Variants in GALNT15 observed in about 807,000 individuals in gnomAD.
The protein encoded by GALNT15 is UDP-GalNAc transferase T15.
In GALNT15, 67 loss-of-function variants were observed where a neutral mutation model predicts 66.8. The observed-to-expected ratio is 1.00, with a 90% CI of 0.82 to 1.23. The LOEUF (loss-of-function observed/expected upper bound fraction) is 1.23. GALNT15 is among the 50% of genes most tolerant of loss of function. The pLI, the probability that GALNT15 is intolerant of heterozygous loss-of-function variation, is 0.00. For synonymous variants in GALNT15, 313 were observed against 311.5 expected, an observed-to-expected ratio of 1.00 and a Z score of -0.05; for missense variants, 827 against 804.3, an observed-to-expected ratio of 1.03 and a Z score of -0.34.
At chr3:16,178,544 C>T (rs1411151736) in intron 1 of GALNT15, among the ~76,000 whole-genome samples, 3 of 152,202 alleles carry the variant, frequency 2.0e-5, no homozygotes, top group Non-Finnish European at 2.9e-5. Context: ...TGCGTGCGGC[C>T]TGCGCAGCCC....
In GALNT15 at chr3:16,203,432, C is replaced by T. The variant is rs150577840; in HGVS notation, c.911+2609C>T. On this transcript the variant is annotated intron_variant, in intron 3 of 9. Coordinates refer to ENST00000339732, the MANE Select transcript of GALNT15 (RefSeq NM_054110.5). This position sits in a 1 kb window ranked among gnomAD's most constrained non-coding sequence, Gnocchi z 6.2. ...AAGAGACATTCTAGTTTCCTGTGCC[C>T]TTCCCCTCTCCTCTTTTCCTCTCCT... Among the ~76,000 whole-genome samples, 349 of 151,544 alleles carry T rather than the reference C, an allele frequency of 2.3e-3. 1 individual carries two copies. The highest frequency in any genetic ancestry group is 8.1e-3 in the African/African-American group (336 of 41,250).
downstream of GALNT15, among the ~76,000 whole-genome samples, chr3:16,232,581 G>A (rs971342444): frequency 6.2e-5 from 9 of 144,310 alleles, no homozygotes; most frequent in African/African-American, 2.3e-4. Context: ...ATGGTCCTAT[G>A]AGGTAGATAA....
downstream of GALNT15, among the ~76,000 whole-genome samples, chr3:16,233,092 A>ATGTTTTTTTTTTTTTTTTTTTTTTTT (rs771943641): frequency 2.1e-5 from 1 of 48,074 alleles, no homozygotes; most frequent in African/African-American, 8.8e-5. Flanking sequence ...AGGATAATGC[A>ATGTTTTTTTTTTTTTTTTTTTTTTTT]TCTTTTTTTT....
At position 16,200,770 on chromosome 3, in the gene GALNT15, C is replaced by G. The variant is rs771537146; in HGVS notation, c.858C>G (p.Cys286Trp). The part of the protein sequence containing the change: ...GDVLVFMDAH[C>W]ECHPGWLEPL... ...TGCTCGTCTTCATGGATGCCCACTG[C>G]GAGTGCCACCCAGGCTGGCTGGAGC... The change falls in exon 3 of 10, where the codon TGC becomes TGG. Residue 286 changes from cysteine (C) to tryptophan (W), a missense_variant. Coordinates refer to ENST00000339732, the MANE Select transcript of GALNT15 (RefSeq NM_054110.5). The surrounding 1 kb of genome is among the most constrained non-coding windows in gnomAD (Gnocchi z 4.4). The G allele has an allele frequency of 6.2e-7, 1 of 1,611,586 alleles. No individual in the cohort carries two copies. Among genetic ancestry groups the G allele is most frequent in the Non-Finnish European group, 8.5e-7 (1 of 1,179,108 alleles).
intron 3 of GALNT15, among the ~76,000 whole-genome samples, chr3:16,201,237 A>T (rs1346507912): frequency 6.6e-6 from 1 of 151,728 alleles, no homozygotes; most frequent in Non-Finnish European, 1.5e-5. Flanking sequence ...GCTGGAGTGC[A>T]GCGGGGCGAT....
At position 16,225,877 on chromosome 3, in the gene GALNT15, A is replaced by G. The variant is rs1051571224; in HGVS notation, c.1774-1477A>G. On this transcript the variant is annotated intron_variant, in intron 9 of 9. Coordinates refer to ENST00000339732, the MANE Select transcript of GALNT15 (RefSeq NM_054110.5). The surrounding 1 kb of genome is among the most constrained non-coding windows in gnomAD (Gnocchi z 4.4). The stretch of plus-strand genomic sequence containing the variant: ...TATGGGTTTTTAGTAGAGAAAACCC[A>G]TCTCTACTAAAAATACAAAAAATTA... 4.6e-5 allele frequency among the ~76,000 whole-genome samples: 7 copies of G among 151,770 alleles called. No homozygotes were observed. The highest frequency in any genetic ancestry group is 3.9e-4 in the Admixed American group (6 of 15,212).
Position 16,200,696 on chromosome 3 carries a change from G to A in GALNT15, c.784G>A (p.Gly262Ser), listed in dbSNP as rs1024949558. The stretch of plus-strand genomic sequence containing the variant: ...GTTACTCAGGAGCAACAAGAGGCTG[G>A]GTGCCATCAGGGCCCGGATGCTGGG... Reference protein sequence around the residue: ...VKLLRSNKRLGAIRARMLGAT... With the variant: ...VKLLRSNKRLSAIRARMLGAT... Residue 262 changes from glycine (G) to serine (S), a missense_variant, in exon 3 of 10, where the codon GGT (glycine) becomes AGT (serine). By Grantham distance (56) the Gly-to-Ser change is moderately conservative. Transcript: ENST00000339732. The surrounding 1 kb of genome is among the most constrained non-coding windows in gnomAD (Gnocchi z 4.4). 2 of 1,610,534 alleles carry A rather than the reference G, an allele frequency of 1.2e-6. No homozygotes were observed. Among genetic ancestry groups the A allele is most frequent in the Non-Finnish European group, 1.7e-6 (2 of 1,178,472 alleles).
chr3:16,223,492 T>C (rs1469592130), intron 9 of GALNT15, among the ~76,000 whole-genome samples: 1 of 152,152 alleles, frequency 6.6e-6, no homozygotes, highest in Non-Finnish European at 1.5e-5. Flanking sequence ...TTCTTCAACT[T>C]CTGCTGGGGA....
Position 16,182,200 on chromosome 3 carries a change from T to G in GALNT15, c.539+6510T>G, listed in dbSNP as rs2063478757. Among the ~76,000 whole-genome samples the G allele has an allele frequency of 6.6e-6, 1 of 152,124 alleles. No individual in the cohort carries two copies. The highest frequency in any genetic ancestry group is 2.4e-5 in the African/African-American group (1 of 41,416). Reference sequence around the variant, plus strand: ...AAATGCAGACCCTTCAGACCCCACTTAAACCTACTAGATGAAATCTCTACT... The same window carrying G: ...AAATGCAGACCCTTCAGACCCCACTGAAACCTACTAGATGAAATCTCTACT... On this transcript the variant is annotated intron_variant, in intron 1 of 9. Transcript: ENST00000339732. The surrounding 1 kb of genome is among the most constrained non-coding windows in gnomAD (Gnocchi z 6.1).
At chr3:16,201,239 C>A (rs555431332) in intron 3 of GALNT15, among the ~76,000 whole-genome samples, 4 of 151,906 alleles carry the variant, frequency 2.6e-5, no homozygotes, top group Non-Finnish European at 4.4e-5. Context: ...TGGAGTGCAG[C>A]GGGGCGATCT....
intron 4 of GALNT15, among the ~76,000 whole-genome samples, chr3:16,210,093 A>T (rs780292878): frequency 6.6e-6 from 1 of 152,248 alleles, no homozygotes; most frequent in Non-Finnish European, 1.5e-5. Flanking sequence ...AGGAATGCTG[A>T]ACTTGTAACA....
In GALNT15 at chr3:16,203,543, T is replaced by TCTCACACACA. The variant is rs1491187404; in HGVS notation, c.911+2721_911+2722insTCACACACAC. ...CATTCTCTCTCTCTCTCTCTCTCTC[T>TCTCACACACA]CACACACACACACACACACACACAC... On this transcript the variant is annotated intron_variant, in intron 3 of 9. Transcript: ENST00000339732. The surrounding 1 kb of genome is among the most constrained non-coding windows in gnomAD (Gnocchi z 6.2). Among the ~76,000 whole-genome samples, 322 of 61,118 alleles carry TCTCACACACA rather than the reference T, an allele frequency of 5.3e-3. No homozygotes were observed. The highest frequency in any genetic ancestry group is 0.013 in the East Asian group (23 of 1,806). The allele number at this position is 61,118 out of a possible 152,430, so 40.1% of individuals were successfully genotyped here. A position where few individuals can be genotyped will look rare whatever the true frequency, so the allele number is the denominator to read the frequency against.
chr3:16,175,378 A>C lies in GALNT15; in HGVS notation c.227A>C (p.Glu76Ala), dbSNP rs568553771. ...DWVLEAEDEG[E>A]EYSPLEGLPP... ...GTACTGGAAGCTGAGGATGAGGGTG[A>C]AGAGTACAGCCCTCTGGAGGGCCTG... The change falls in exon 1 of 10, where the codon GAA becomes GCA. Residue 76 changes from glutamate (E) to alanine (A), a missense_variant. Coordinates refer to ENST00000339732, the MANE Select transcript of GALNT15 (RefSeq NM_054110.5). The surrounding 1 kb of genome is among the most constrained non-coding windows in gnomAD (Gnocchi z 5.6). The C allele has an allele frequency of 6.2e-7, 1 of 1,614,200 alleles. No individual in the cohort carries two copies. The highest frequency in any genetic ancestry group is 8.5e-7 in the Non-Finnish European group (1 of 1,180,040).
At chr3:16,233,092 A>ATGTTTTTTTTTT (rs771943641), downstream of GALNT15, among the ~76,000 whole-genome samples, 4 of 48,074 alleles carry the variant, frequency 8.3e-5, no homozygotes, top group African/African-American at 2.6e-4. Flanking sequence ...AGGATAATGC[A>ATGTTTTTTTTTT]TCTTTTTTTT....
At chr3:16,205,719 G>A (rs958888846) in intron 3 of GALNT15, among the ~76,000 whole-genome samples, 2 of 152,186 alleles carry the variant, frequency 1.3e-5, no homozygotes, top group Admixed American at 1.3e-4. Context: ...ATTAATCACC[G>A]TTTTTGAGTC....
chr3:16,193,910 G>T lies in GALNT15; in HGVS notation c.540-1850G>T, dbSNP rs180825356. Among the ~76,000 whole-genome samples, 70 of 152,276 alleles carry T rather than the reference G, an allele frequency of 4.6e-4. No homozygotes were observed. The highest frequency in any genetic ancestry group is 8.5e-4 in the Non-Finnish European group (58 of 68,036). Reference sequence around the variant, plus strand: ...TGTAAGCAAGTGTGAGCTATATACTGCTCCATGTATCAGGTTGTTATAATT... The same window carrying T: ...TGTAAGCAAGTGTGAGCTATATACTTCTCCATGTATCAGGTTGTTATAATT... On this transcript the variant is annotated intron_variant, in intron 1 of 9. Coordinates refer to ENST00000339732, the MANE Select transcript of GALNT15 (RefSeq NM_054110.5). This position sits in a 1 kb window ranked among gnomAD's most constrained non-coding sequence, Gnocchi z 4.7.
rs533493786 is a variant in GALNT15 at position 16,183,435 on chromosome 3, A to G, written c.539+7745A>G. Among the ~76,000 whole-genome samples the G allele has an allele frequency of 1.1e-4, 16 of 152,222 alleles. No homozygotes were observed. Among genetic ancestry groups the G allele is most frequent in the Non-Finnish European group, 2.1e-4 (14 of 68,040 alleles). On this transcript the variant is annotated intron_variant, in intron 1 of 9. Transcript: ENST00000339732. This position sits in a 1 kb window ranked among gnomAD's most constrained non-coding sequence, Gnocchi z 5.2. ...TACAGGCAAGCTAGGATTTTCTTGC[A>G]ATGGAGGAACTTGGCTCTGTGGGAT...
In GALNT15 at chr3:16,227,800, T is replaced by A; in HGVS notation, c.*300T>A. On this transcript the variant is annotated 3_prime_UTR_variant, in exon 10 of 10. Transcript: ENST00000339732. This position sits in a 1 kb window ranked among gnomAD's most constrained non-coding sequence, Gnocchi z 4.5. ...TTTTTCTCCACTGAGCACTTAACAA[T>A]TGCTTTCTCTCTGGCCTGGACATTC... is the stretch of plus-strand genomic sequence containing the variant. 8.8e-7 allele frequency: 1 copy of A among 1,134,952 alleles called. No homozygotes were observed. Among genetic ancestry groups the A allele is most frequent in the Non-Finnish European group, 1.1e-6 (1 of 924,910 alleles). The allele number at this position is 1,134,952 out of a possible 1,614,324, so 70.3% of individuals were successfully genotyped here.
chr3:16,233,854 G>A (rs1384643369), downstream of GALNT15, among the ~76,000 whole-genome samples: 1 of 152,172 alleles, frequency 6.6e-6, no homozygotes, highest in African/African-American at 2.4e-5. Flanking sequence ...TAGTGTGGGG[G>A]TAAGGAAATG....
Sources: allele counts gnomAD v4.1 joint callset (sites outside exome capture counted in the v4.1 genomes callset), GRCh38; gene constraint gnomAD v4.1.1; non-coding constraint Gnocchi (gnomAD v3.1); transcripts MANE v1.5; gene names NCBI Gene and HGNC (gene_info 2026-07-23, HGNC 2026-07-21).